Variants in OSGEPL1 observed in about 807,000 individuals in gnomAD.
OSGEPL1 encodes the protein O-sialoglycoprotein endopeptidase like 1.
In OSGEPL1, 26 loss-of-function variants were observed where a neutral mutation model predicts 37.2. The ratio of observed to expected loss-of-function variants is 0.70; its 90% CI spans 0.51 to 0.97. OSGEPL1 has a LOEUF of 0.97. Ranked by LOEUF, OSGEPL1 falls within the 50% of genes least tolerant of loss-of-function variation. The probability of loss-of-function intolerance (pLI) is 0.00; values close to 1 mark genes in which losing one functional copy is unlikely to be tolerated. For synonymous variants in OSGEPL1, 140 were observed against 159.9 expected, an observed-to-expected ratio of 0.88 and a Z score of 0.94; for missense variants, 404 against 487.0, an observed-to-expected ratio of 0.83 and a Z score of 1.60.
intron 2 of OSGEPL1, among the ~76,000 whole-genome samples, chr2:189,756,190 C>G (rs987268083): frequency 3.9e-5 from 6 of 152,138 alleles, no homozygotes; most frequent in African/African-American, 1.4e-4. Context: ...AGCAGGATAG[C>G]AGATAGCTTG....
At chr2:189,753,165 A>G (rs2045550604) in intron 5 of OSGEPL1, 186 bp from the exon 6 acceptor site, 1 of 427,604 alleles carries the variant, frequency 2.3e-6, no homozygotes. Context: ...TAATTCTAAT[A>G]GCATACAAAC....
At chr2:189,760,756 A>C (rs1456969221) in intron 2 of OSGEPL1, among the ~76,000 whole-genome samples, 1 of 151,796 alleles carries the variant, frequency 6.6e-6, no homozygotes, top group African/African-American at 2.4e-5. Flanking sequence ...ATGCCACTGC[A>C]CTCCAGCCTG....
chr2:189,756,227 T>C (rs2046060108), intron 2 of OSGEPL1, among the ~76,000 whole-genome samples: 1 of 152,190 alleles, frequency 6.6e-6, no homozygotes, highest in African/African-American at 2.4e-5. Flanking sequence ...TTTGGGAATC[T>C]GGTGCTCAGA....
rs2105922893 is a variant in OSGEPL1, at chr2:189,746,814, A to G, written c.*383T>C. On this transcript the variant is annotated 3_prime_UTR_variant, in exon 9 of 9. Coordinates refer to ENST00000264151, the MANE Select transcript of OSGEPL1 (RefSeq NM_022353.3). ...GTGTCAGGTCAGAGTTATGGTTTCAAAAAATTAGGATTTCTGTAAACAAAG... is the reference window on the plus strand; with the variant it reads ...GTGTCAGGTCAGAGTTATGGTTTCAGAAAATTAGGATTTCTGTAAACAAAG... 1 of 587,338 alleles carries G rather than the reference A, an allele frequency of 1.7e-6. No homozygotes were observed. Among genetic ancestry groups the G allele is most frequent in the African/African-American group, 2.0e-5 (1 of 51,226 alleles). The allele number at this position is 587,338 out of a possible 1,614,324, so 36.4% of individuals were successfully genotyped here.
Position 189,754,141 on chromosome 2 carries a change from C to T in OSGEPL1, c.814G>A (p.Gly272Ser), listed in dbSNP as rs897049609. The change falls in exon 4 of 9, where the codon GGT (glycine) becomes AGT (serine). Residue 272 changes from glycine (G) to serine (S), a missense_variant and splice_region_variant. Coordinates refer to ENST00000264151, the MANE Select transcript of OSGEPL1 (RefSeq NM_022353.3). The part of the protein sequence containing the change: ...KIIMKKEKEE[G>S]IEKGQILSSA... ...TCAACTTTACTAATTAGAAATATACCTTCCTCTTTTTCCTTTTTCATTATT... is the reference window on the plus strand; with the variant it reads ...TCAACTTTACTAATTAGAAATATACTTTCCTCTTTTTCCTTTTTCATTATT... 1 of 1,613,020 alleles carries T rather than the reference C, an allele frequency of 6.2e-7. No homozygotes were observed. The highest frequency in any genetic ancestry group is 8.5e-7 in the Non-Finnish European group (1 of 1,179,424).
At chr2:189,754,668 T>C (rs2045811969) in intron 3 of OSGEPL1, 1 of 278,018 alleles carries the variant, frequency 3.6e-6, no homozygotes, top group African/African-American at 2.3e-5. Flanking sequence ...TTCCTATTAT[T>C]TCACTGTGGG....
chr2:189,749,244 T>TAAAAA (rs397987026), intron 8 of OSGEPL1, among the ~76,000 whole-genome samples: 4 of 63,260 alleles, frequency 6.3e-5, no homozygotes, highest in Non-Finnish European at 8.0e-5. Context: ...AGACTCTGTC[T>TAAAAA]AAAAAAAAAA....
Position 189,761,436 on chromosome 2 carries a change from T to A in OSGEPL1, c.205A>T (p.Thr69Ser), listed in dbSNP as rs1459288694. ...TCTACTTACTTTAAATGAACTTCAG[T>A]TTGGGAATGTATTGCTTCTCCCAAC... ...NVLGEAIHSQ[T>S]EVHLKTGGIV... The change falls in exon 2 of 9, where the codon ACT becomes TCT. Residue 69 changes from threonine to serine, a missense_variant. Transcript: ENST00000264151. 2.5e-6 allele frequency: 4 copies of A among 1,601,902 alleles called. No individual in the cohort carries two copies. The Admixed American group carries it at 7.1e-5, about 28-fold the overall frequency.
At chr2:189,762,844 C>G (rs766391228), upstream of OSGEPL1, 13 of 985,310 alleles carry the variant, frequency 1.3e-5, no homozygotes, top group Non-Finnish European at 1.4e-5. Flanking sequence ...GTTCCGCTAG[C>G]GAGCGGCATG....
rs967500537 is a variant in OSGEPL1 at position 189,762,753 on chromosome 2, C to A, written c.-89G>T. On this transcript the variant is annotated 5_prime_UTR_variant, in exon 1 of 9. Transcript: ENST00000264151. Reference sequence around the variant, plus strand: ...ACTAAAGACTGTCGACTGCCCTTATCGCTGCAGGAGAAAGCCCGAACCTGG... The same window carrying A: ...ACTAAAGACTGTCGACTGCCCTTATAGCTGCAGGAGAAAGCCCGAACCTGG... 13 of 985,484 alleles carry A rather than the reference C, an allele frequency of 1.3e-5. No individual in the cohort carries two copies. The highest frequency in any genetic ancestry group is 1.4e-5 in the Non-Finnish European group (12 of 830,014). 61.0% of individuals were successfully genotyped at this position (985,484 alleles called of 1,614,324 possible). A position where few individuals can be genotyped will look rare whatever the true frequency, so the allele number is the denominator to read the frequency against.
intron 2 of OSGEPL1, among the ~76,000 whole-genome samples, chr2:189,756,158 AAC>A (rs1201689938): frequency 4.6e-5 from 7 of 152,232 alleles, no homozygotes; most frequent in African/African-American, 1.7e-4. Context: ...TTTATTTTAA[AAC>A]ACATTCCACT....
chr2:189,760,305 G>A (rs932515838), intron 2 of OSGEPL1, among the ~76,000 whole-genome samples: 3 of 152,164 alleles, frequency 2.0e-5, no homozygotes, highest in African/African-American at 4.8e-5. Flanking sequence ...GCCGGGCAGA[G>A]GGGCTCCTCA....
At chr2:189,759,860 CAT>C (rs1186968386) in intron 2 of OSGEPL1, among the ~76,000 whole-genome samples, 2 of 152,116 alleles carry the variant, frequency 1.3e-5, no homozygotes, top group African/African-American at 2.4e-5. Flanking sequence ...AGCAGATAAA[CAT>C]GTGAACAAAG....
Position 189,755,170 on chromosome 2 carries a change from T to A in OSGEPL1, c.609+3A>T. ...AAGAATGGAGAAATTAATTCTTAATTACCTTGTCAAGCATGTCACCTGGTG... is the reference window on the plus strand; with the variant it reads ...AAGAATGGAGAAATTAATTCTTAATAACCTTGTCAAGCATGTCACCTGGTG... On this transcript the variant is annotated splice_donor_region_variant and intron_variant, in intron 3 of 8. Transcript: ENST00000264151. 6.3e-7 allele frequency: 1 copy of A among 1,595,780 alleles called. No homozygotes were observed. The highest frequency in any genetic ancestry group is 1.2e-5 in the South Asian group (1 of 86,604).
At chr2:189,755,935 A>G (rs1388191226) in intron 2 of OSGEPL1, among the ~76,000 whole-genome samples, 1 of 152,212 alleles carries the variant, frequency 6.6e-6, no homozygotes, top group African/African-American at 2.4e-5. Context: ...GATTACTGCG[A>G]AAGTATTTGT....
At chr2:189,758,632 A>G (rs1445159622) in intron 2 of OSGEPL1, among the ~76,000 whole-genome samples, 6 of 152,208 alleles carry the variant, frequency 3.9e-5, no homozygotes, top group Non-Finnish European at 1.5e-5. Context: ...ACAGGTTATA[A>G]TATTCTTTCC....
At position 189,761,650 on chromosome 2, in the gene OSGEPL1, A is replaced by G. The variant is rs751063184; in HGVS notation, c.-10T>C. On this transcript the variant is annotated 5_prime_UTR_variant, in exon 2 of 9. Coordinates refer to ENST00000264151, the MANE Select transcript of OSGEPL1 (RefSeq NM_022353.3). ...TAGTCAAGATTAGCATACTTACTCT[A>G]TAGATAATTCCTGAAAAAGAATTAC... 6.5e-7 allele frequency: 1 copy of G among 1,545,494 alleles called. No homozygotes were observed. The highest frequency in any genetic ancestry group is 8.7e-7 in the Non-Finnish European group (1 of 1,151,936).
intron 7 of OSGEPL1, among the ~76,000 whole-genome samples, chr2:189,751,091 C>T (rs1377485961): frequency 6.6e-6 from 1 of 152,146 alleles, no homozygotes; most frequent in Non-Finnish European, 1.5e-5. Context: ...GCTGCCTTGC[C>T]CCTTTTCTAC....
intron 8 of OSGEPL1, 82 bp downstream of exon 8, chr2:189,750,468 T>A: frequency 1.7e-6 from 1 of 587,974 alleles, no homozygotes; most frequent in Non-Finnish European, 3.0e-6. Flanking sequence ...AAAAATAAAA[T>A]CTTGATGAAT....
Sources: gnomAD v4.1 joint callset for allele counts (sites outside exome capture counted in the v4.1 genomes callset) on GRCh38, gnomAD v4.1.1 for gene constraint, MANE v1.5 for transcripts, NCBI Gene and HGNC (gene_info 2026-07-23, HGNC 2026-07-21) for gene names.